TEX14: variants seen among roughly 807,000 people sequenced by gnomAD.
The protein encoded by TEX14 is inactive serine/threonine-protein kinase TEX14.
TEX14 carries 168 observed loss-of-function variants against 178.6 expected under a neutral mutation model. The observed-to-expected ratio is 0.94, with a 90% CI of 0.83 to 1.07. The LOEUF (loss-of-function observed/expected upper bound fraction) is 1.07. TEX14 is among the 50% of genes least tolerant of loss of function. The pLI, the probability that TEX14 is intolerant of heterozygous loss-of-function variation, is 0.00. For synonymous variants in TEX14, 626 were observed against 634.1 expected, an observed-to-expected ratio of 0.99 and a Z score of 0.19; for missense variants, 1,730 against 1,753.6, an observed-to-expected ratio of 0.99 and a Z score of 0.24.
At chr17:58,588,940 A>T (rs2045050586) in intron 15 of TEX14, among the ~76,000 whole-genome samples, 1 of 152,204 alleles carries the variant, frequency 6.6e-6, no homozygotes, top group Non-Finnish European at 1.5e-5. Context: ...ATATCTCATG[A>T]ACATGTACAT....
At chr17:58,637,314 AC>A (rs2046457790) in intron 2 of TEX14, among the ~76,000 whole-genome samples, 1 of 152,200 alleles carries the variant, frequency 6.6e-6, no homozygotes, top group African/African-American at 2.4e-5. Flanking sequence ...AACTCTTTGA[AC>A]CTCTGGAATG....
At chr17:58,615,712 C>T (rs1456699470) in intron 7 of TEX14, among the ~76,000 whole-genome samples, 1 of 151,790 alleles carries the variant, frequency 6.6e-6, no homozygotes, top group Non-Finnish European at 1.5e-5. Context: ...GCAAAGGCAG[C>T]AGCAATAAAA....
chr17:58,633,556 A>T (rs575919293), intron 2 of TEX14, among the ~76,000 whole-genome samples: 3 of 152,172 alleles, frequency 2.0e-5, no homozygotes, highest in Non-Finnish European at 4.4e-5. Context: ...AGGGCTGGGG[A>T]TGGTGGCTCA....
intron 2 of TEX14, among the ~76,000 whole-genome samples, chr17:58,641,422 A>C (rs2046572494): frequency 6.6e-6 from 1 of 151,754 alleles, no homozygotes; most frequent in Admixed American, 6.6e-5. Flanking sequence ...AACAAAACAA[A>C]AAAAAAGTAG....
intron 2 of TEX14, among the ~76,000 whole-genome samples, 191 bp from the exon 3 acceptor site, chr17:58,630,745 A>G (rs1308031962): frequency 6.6e-6 from 1 of 152,198 alleles, no homozygotes; most frequent in Non-Finnish European, 1.5e-5. Context: ...CTCAGTGTTT[A>G]TTCATCAAAA....
intron 2 of TEX14, chr17:58,631,204 G>A: frequency 1.1e-6 from 1 of 935,568 alleles, no homozygotes; most frequent in Non-Finnish European, 1.3e-6. Flanking sequence ...GCTCACGCCT[G>A]TAATGCCAGC....
At chr17:58,623,134 A>C in intron 3 of TEX14, 122 bp from the exon 4 acceptor site, 1 of 783,988 alleles carries the variant, frequency 1.3e-6, no homozygotes, top group Non-Finnish European at 2.0e-6. Flanking sequence ...GAGGAATATA[A>C]CAACATCATT....
At chr17:58,629,729 G>T (rs999714223) in intron 3 of TEX14, among the ~76,000 whole-genome samples, 1 of 151,344 alleles carries the variant, frequency 6.6e-6, no homozygotes, top group African/African-American at 2.4e-5. Context: ...CAGCTCCTCA[G>T]GAGGCTGAGG....
rs1480782288 is a variant in TEX14, at chr17:58,599,305, GCT to G, written c.2038_2039del (p.Ser680LeufsTer5). The G allele has an allele frequency of 6.2e-7, 1 of 1,613,382 alleles. No homozygotes were observed. The highest frequency in any genetic ancestry group is 8.5e-7 in the Non-Finnish European group (1 of 1,180,012). Reference sequence around the variant, plus strand: ...AGTACTCTGTCTCAGCTTTTGAAGAGCTCTCATCCTCACTGCCAAAACAACAC... The same window carrying G: ...AGTACTCTGTCTCAGCTTTTGAAGAGCTCATCCTCACTGCCAAAACAACAC... The part of the protein sequence containing the change: ...EACCFGSEDE[S>X]SSKAETEYSF... On this transcript the variant is annotated frameshift_variant, in exon 14 of 32. Transcript: ENST00000349033. LOFTEE classifies it high-confidence loss of function.
chr17:58,664,210 G>T (rs2047168399), intron 1 of TEX14, among the ~76,000 whole-genome samples: 1 of 152,152 alleles, frequency 6.6e-6, no homozygotes, highest in Non-Finnish European at 1.5e-5. Context: ...ATTCCAGAAG[G>T]TTTGATTTCA....
At chr17:58,573,725 G>T (rs948673305) in intron 22 of TEX14, among the ~76,000 whole-genome samples, 2 of 152,108 alleles carry the variant, frequency 1.3e-5, no homozygotes, top group African/African-American at 4.8e-5. Flanking sequence ...TACCATGTTG[G>T]CCAGGCTGGT....
chr17:58,557,796 T>A lies in TEX14; in HGVS notation c.4319+3A>T. Reference sequence around the variant, plus strand: ...GATCTACAAACATCTGATATTTCATTACCTGGATGATTCGGACCAACCTAG... The same window carrying A: ...GATCTACAAACATCTGATATTTCATAACCTGGATGATTCGGACCAACCTAG... On this transcript the variant is annotated splice_donor_region_variant and intron_variant, in intron 31 of 31. Transcript: ENST00000349033. 1 of 1,609,474 alleles carries A rather than the reference T, an allele frequency of 6.2e-7. No individual in the cohort carries two copies. Among genetic ancestry groups the A allele is most frequent in the Non-Finnish European group, 8.5e-7 (1 of 1,177,062 alleles).
intron 2 of TEX14, among the ~76,000 whole-genome samples, chr17:58,634,684 G>A (rs2046394970): frequency 6.6e-6 from 1 of 152,176 alleles, no homozygotes; most frequent in African/African-American, 2.4e-5. Context: ...GGACAATTCT[G>A]CATGGATCTC....
chr17:58,578,990 T>C (rs567195373), intron 20 of TEX14, among the ~76,000 whole-genome samples: 1 of 152,310 alleles, frequency 6.6e-6, no homozygotes, highest in South Asian at 2.1e-4. Context: ...GATGAGTACA[T>C]ACCTTAAAAG....
chr17:58,589,185 C>T (rs1440659991), intron 15 of TEX14, among the ~76,000 whole-genome samples: 1 of 151,910 alleles, frequency 6.6e-6, no homozygotes, highest in Non-Finnish European at 1.5e-5. Context: ...ATTGCTTGAA[C>T]CCGGGAGGCG....
chr17:58,622,723 C>T (rs546197033), intron 4 of TEX14, 124 bp downstream of exon 4: 7 of 994,026 alleles, frequency 7.0e-6, no homozygotes, highest in Middle Eastern at 3.6e-4. Flanking sequence ...TTGCTTCGAT[C>T]CAAGCCTGAG....
At chr17:58,596,020 T>C (rs1001999586) in intron 14 of TEX14, among the ~76,000 whole-genome samples, 18 of 152,024 alleles carry the variant, frequency 1.2e-4, no homozygotes, top group South Asian at 2.1e-4. Flanking sequence ...CCCTCTCTAC[T>C]AAAAATACAA....
chr17:58,577,097 TA>T (rs2044696633), intron 21 of TEX14, among the ~76,000 whole-genome samples: 1 of 152,232 alleles, frequency 6.6e-6, no homozygotes. Context: ...TAAGGATTCT[TA>T]TCCCTGCTTC....
intron 15 of TEX14, among the ~76,000 whole-genome samples, chr17:58,590,259 CAAA>C (rs35100175): frequency 4.3e-5 from 4 of 93,780 alleles, no homozygotes; most frequent in Non-Finnish European, 4.1e-5. Context: ...GACTCTGTGT[CAAA>C]AAAAAAAAAA....
Sources: gnomAD v4.1 joint callset for allele counts (sites outside exome capture counted in the v4.1 genomes callset) on GRCh38, gnomAD v4.1.1 for gene constraint, MANE v1.5 for transcripts, NCBI Gene and HGNC (gene_info 2026-07-23, HGNC 2026-07-21) for gene names.